Variants in LIMCH1 observed in about 807,000 individuals in gnomAD.
LIMCH1 encodes LIM and calponin homology domains 1, also known as LIM and calponin homology domains-containing protein 1.
LIMCH1 carries 113 observed loss-of-function variants against 176.5 expected under a neutral mutation model. The observed-to-expected ratio is 0.64, with a 90% confidence interval of 0.55 to 0.75. The LOEUF is 0.75. Among genes scored for constraint, LIMCH1 ranks in the 30% least tolerant of loss-of-function variants. LIMCH1 has a pLI of 0.00. For missense variants in LIMCH1, 1,674 were observed against 1,814.9 expected, an observed-to-expected ratio of 0.92 and a Z score of 1.41; for synonymous variants, 619 against 645.9, an observed-to-expected ratio of 0.96 and a Z score of 0.63.
rs1453217393 is a variant in LIMCH1, at chr4:41,682,436, G to A, written c.3821G>A (p.Ser1274Asn). ...GACTTATTGCTGAAGACTAGGGAAA[G>A]TGATCGACTGGAGGAGAAGGGCAGG... The part of the protein sequence containing the change: ...DSDLLLKTRE[S>N]DRLEEKGSLT... Residue 1274 changes from serine (S) to asparagine (N), a missense_variant, in exon 26 of 32, where the codon AGT (serine) becomes AAT (asparagine). Ser to Asn is a conservative substitution (Grantham distance 46). Coordinates refer to ENST00000503057, the MANE Select transcript of LIMCH1 (RefSeq NM_001330672.2). 5 of 1,612,978 alleles carry A rather than the reference G, an allele frequency of 3.1e-6. No individual in the cohort carries two copies. Among genetic ancestry groups the A allele is most frequent in the Non-Finnish European group, 4.2e-6 (5 of 1,179,332 alleles).
intron 1 of LIMCH1, among the ~76,000 whole-genome samples, chr4:41,424,405 G>T (rs895919276): frequency 2.0e-5 from 3 of 152,264 alleles, no homozygotes; most frequent in Non-Finnish European, 2.9e-5. Flanking sequence ...ATTCTTATTG[G>T]CTGCTTAAAG....
chr4:41,655,672 T>G (rs965884672), intron 18 of LIMCH1, among the ~76,000 whole-genome samples: 1 of 151,822 alleles, frequency 6.6e-6, no homozygotes, highest in Non-Finnish European at 1.5e-5. Flanking sequence ...TTCCTGCAGC[T>G]CTTTTTTTTT....
chr4:41,366,244 A>G (rs981876620), intron 1 of LIMCH1, among the ~76,000 whole-genome samples: 2 of 152,178 alleles, frequency 1.3e-5, no homozygotes, highest in Non-Finnish European at 2.9e-5. Flanking sequence ...GCTAAAGTCT[A>G]TGTACAGTTG....
intron 2 of LIMCH1, among the ~76,000 whole-genome samples, chr4:41,515,468 C>T (rs527546173): frequency 2.6e-5 from 4 of 152,360 alleles, no homozygotes; most frequent in East Asian, 1.9e-4. Flanking sequence ...GTGATCAACA[C>T]AGCCAATTTT....
chr4:41,648,283 G>A (rs1562075031), intron 17 of LIMCH1, among the ~76,000 whole-genome samples: 2 of 152,184 alleles, frequency 1.3e-5, no homozygotes, highest in Non-Finnish European at 2.9e-5. Flanking sequence ...TATCTAAATA[G>A]TGCAAAGTGA....
At chr4:41,656,558 A>T (rs1397980397) in intron 18 of LIMCH1, among the ~76,000 whole-genome samples, 2 of 152,140 alleles carry the variant, frequency 1.3e-5, no homozygotes, top group Admixed American at 6.5e-5. Context: ...TACAAAAAAA[A>T]GTTTAAGACA....
At chr4:41,493,636 C>T (rs1341577493) in intron 1 of LIMCH1, among the ~76,000 whole-genome samples, 1 of 152,110 alleles carries the variant, frequency 6.6e-6, no homozygotes, top group Non-Finnish European at 1.5e-5. Flanking sequence ...TGAGCATTCA[C>T]AGATTTTGGT....
chr4:41,546,349 GGCT>G (rs1352691735), intron 1 of LIMCH1, among the ~76,000 whole-genome samples: 1 of 151,848 alleles, frequency 6.6e-6, no homozygotes, highest in African/African-American at 2.4e-5. Flanking sequence ...ATGTTGGCCA[GGCT>G]GGTCTCGAAT....
chr4:41,565,262 C>T (rs978566668), intron 1 of LIMCH1, among the ~76,000 whole-genome samples: 2 of 151,488 alleles, frequency 1.3e-5, no homozygotes, highest in African/African-American at 4.9e-5. Context: ...GCCAAGATCT[C>T]CTTGCTTTAT....
intron 1 of LIMCH1, among the ~76,000 whole-genome samples, chr4:41,426,528 A>T (rs1230440338): frequency 6.6e-6 from 1 of 152,248 alleles, no homozygotes; most frequent in African/African-American, 2.4e-5. Context: ...AGAGTAATTC[A>T]GATAACTCAG....
At chr4:41,404,762 G>C (rs1039915712) in intron 1 of LIMCH1, among the ~76,000 whole-genome samples, 4 of 152,150 alleles carry the variant, frequency 2.6e-5, no homozygotes, top group African/African-American at 9.7e-5. Context: ...CTGGGTGACA[G>C]AGTGAGATTC....
intron 1 of LIMCH1, among the ~76,000 whole-genome samples, chr4:41,485,545 G>C (rs558471520): frequency 6.6e-6 from 1 of 152,172 alleles, no homozygotes; most frequent in African/African-American, 2.4e-5. Context: ...AAGTACTTCT[G>C]AGGGTCCCCT....
At chr4:41,619,625 G>A (rs761623915) in intron 6 of LIMCH1, 185 bp downstream of exon 6, 41 of 712,926 alleles carry the variant, frequency 5.8e-5, no homozygotes, top group South Asian at 1.4e-4. Context: ...TCGTGAGTGC[G>A]CCTAGAACAG....
intron 1 of LIMCH1, among the ~76,000 whole-genome samples, chr4:41,562,277 A>T (rs2082168927): frequency 6.6e-6 from 1 of 152,098 alleles, no homozygotes; most frequent in South Asian, 2.1e-4. Context: ...TAGTAGAGTG[A>T]TTGGGGTGTA....
At chr4:41,670,916 T>A (rs1288788701) in intron 21 of LIMCH1, 2 of 1,435,938 alleles carry the variant, frequency 1.4e-6, no homozygotes, top group African/African-American at 2.9e-5. Context: ...TATGCACAGT[T>A]AGCAAAGAGC....
intron 21 of LIMCH1, among the ~76,000 whole-genome samples, chr4:41,667,948 T>C (rs368555441): frequency 1.6e-4 from 23 of 147,216 alleles, no homozygotes; most frequent in African/African-American, 5.8e-4. Context: ...CTGTGCAACA[T>C]AGCAAGACTT....
chr4:41,566,227 A>G (rs1027738981), intron 1 of LIMCH1, among the ~76,000 whole-genome samples: 1 of 152,138 alleles, frequency 6.6e-6, no homozygotes, highest in Non-Finnish European at 1.5e-5. Context: ...GTTAATGTTG[A>G]TATTTTGAGC....
chr4:41,360,398 T>A (rs937872865), upstream of LIMCH1, among the ~76,000 whole-genome samples: 13 of 151,870 alleles, frequency 8.6e-5, no homozygotes, highest in African/African-American at 2.9e-4. The surrounding 1 kb of genome is among the most constrained non-coding windows in gnomAD (Gnocchi z 4.5). Context: ...TCCCATATGA[T>A]GCCAGACCCA....
At chr4:41,477,577 C>G (rs923847890) in intron 1 of LIMCH1, among the ~76,000 whole-genome samples, 9 of 152,150 alleles carry the variant, frequency 5.9e-5, no homozygotes, top group African/African-American at 2.2e-4. Context: ...TAGTTTCGTG[C>G]AGAGTAATCT....
Sources: gnomAD v4.1 joint callset for allele counts (sites outside exome capture counted in the v4.1 genomes callset) on GRCh38, gnomAD v4.1.1 for gene constraint, Gnocchi (gnomAD v3.1) non-coding constraint, MANE v1.5 for transcripts, NCBI Gene and HGNC (gene_info 2026-07-23, HGNC 2026-07-21) for gene names.